The following MCUR1 variants were observed in gnomAD, a reference collection of about 807,000 sequenced individuals.
MCUR1 encodes the protein mitochondrial calcium uniporter regulator 1, also known as MCU regulator 1.
Under a neutral mutation model 42.0 loss-of-function variants are expected in MCUR1, and 37 were observed. That is an observed-to-expected ratio of 0.88 (90% CI 0.68 to 1.16). The LOEUF is 1.16. Among genes scored for constraint, MCUR1 ranks in the 50% most tolerant of loss-of-function variants. The pLI is 0.00. For missense variants in MCUR1, 469 were observed against 468.4 expected, an observed-to-expected ratio of 1.00 and a Z score of -0.01; for synonymous variants, 229 against 196.2, an observed-to-expected ratio of 1.17 and a Z score of -1.40.
chr6:13,794,721 G>T (rs1184825246), intron 6 of MCUR1, among the ~76,000 whole-genome samples: 2 of 151,416 alleles, frequency 1.3e-5, no homozygotes, highest in African/African-American at 4.9e-5. Context: ...CTTGATCTGG[G>T]GTCCCTGCAA....
At chr6:13,806,158 G>A (rs1237671585) in intron 2 of MCUR1, among the ~76,000 whole-genome samples, 1 of 152,086 alleles carries the variant, frequency 6.6e-6, no homozygotes, top group Admixed American at 6.5e-5. Flanking sequence ...GGAGGCTGAG[G>A]CAGGAGAATC....
chr6:13,798,950 A>C (rs1250147569), intron 5 of MCUR1, 46 bp from the exon 6 acceptor site: 2 of 1,176,948 alleles, frequency 1.7e-6, no homozygotes, highest in Non-Finnish European at 2.5e-6. Flanking sequence ...CAAAGTAAGA[A>C]ACCCAAACTC....
Position 13,814,418 on chromosome 6 carries a change from G to T in MCUR1, c.12C>A (p.Gly4=). 1 of 1,541,280 alleles carries T rather than the reference G, an allele frequency of 6.5e-7. No homozygotes were observed. The highest frequency in any genetic ancestry group is 2.3e-4 in the Middle Eastern group (1 of 4,348). Residue 4 remains glycine, a synonymous_variant, in exon 1 of 9, where the codon GGC becomes GGA. Coordinates refer to ENST00000379170, the MANE Select transcript of MCUR1 (RefSeq NM_001031713.4). MDC[G]SVGGQRTQRL... ...GCTGGGTCCTCTGGCCGCCGACCGA[G>T]CCGCAGTCCATCCCCGAGCAGTTCA...
At position 13,814,448 on chromosome 6, in the gene MCUR1, C is replaced by G; in HGVS notation, c.-19G>C. 1 of 1,490,778 alleles carries G rather than the reference C, an allele frequency of 6.7e-7. No homozygotes were observed. The highest frequency in any genetic ancestry group is 1.5e-5 in the African/African-American group (1 of 68,890). The allele number at this position is 1,490,778 out of a possible 1,614,324, so 92.3% of individuals were successfully genotyped here. On this transcript the variant is annotated 5_prime_UTR_variant, in exon 1 of 9. Coordinates refer to ENST00000379170, the MANE Select transcript of MCUR1 (RefSeq NM_001031713.4). ...AGTCCATCCCCGAGCAGTTCACTGG[C>G]CCGGGCGCGCGCTCATGCCTCTCGC...
At chr6:13,801,116 G>C (rs930382259) in intron 4 of MCUR1, among the ~76,000 whole-genome samples, 172 bp downstream of exon 4, 1 of 152,230 alleles carries the variant, frequency 6.6e-6, no homozygotes, top group Non-Finnish European at 1.5e-5. Context: ...TGAGAGGCAT[G>C]AGAGAGACTT....
At chr6:13,794,264 T>C (rs532478012) in intron 6 of MCUR1, among the ~76,000 whole-genome samples, 24 of 152,148 alleles carry the variant, frequency 1.6e-4, no homozygotes, top group Non-Finnish European at 2.8e-4. Flanking sequence ...AGTTTCTTAT[T>C]TATACTTACT....
chr6:13,792,618 C>T (rs1296777422), intron 7 of MCUR1, among the ~76,000 whole-genome samples: 1 of 152,158 alleles, frequency 6.6e-6, no homozygotes, highest in African/African-American at 2.4e-5. Context: ...GACACATAAT[C>T]AACCCTCAAA....
At chr6:13,807,086 A>G in intron 1 of MCUR1, 42 bp from the exon 2 acceptor site, 5 of 1,550,868 alleles carry the variant, frequency 3.2e-6, no homozygotes, top group Non-Finnish European at 3.5e-6. Context: ...GACTTCATGC[A>G]AAACAAAAGC....
chr6:13,797,130 T>C (rs1759873507), intron 6 of MCUR1, among the ~76,000 whole-genome samples: 3 of 152,256 alleles, frequency 2.0e-5, no homozygotes, highest in Admixed American at 2.0e-4. Context: ...AGTAGGTTAC[T>C]TTTTTGAGTT....
intron 1 of MCUR1, among the ~76,000 whole-genome samples, chr6:13,809,433 G>T (rs1363608164): frequency 6.6e-6 from 1 of 152,046 alleles, no homozygotes; most frequent in Non-Finnish European, 1.5e-5. Context: ...TCTTTAGAGA[G>T]CTATGTTCTA....
intron 2 of MCUR1, chr6:13,804,204 TCC>T (rs1413886592): frequency 4.9e-6 from 1 of 204,472 alleles, no homozygotes; most frequent in Non-Finnish European, 1.0e-5. Flanking sequence ...ATGCCTGTAA[TCC>T]CAGCTACTCA....
At position 13,803,898 on chromosome 6, in the gene MCUR1, C is replaced by G. The variant is rs561357378; in HGVS notation, c.536-1552G>C. The G allele has an allele frequency of 4.0e-5, 39 of 979,686 alleles. No homozygotes were observed. In the South Asian group the frequency reaches 1.6e-3, roughly 40 times the overall value. The allele number at this position is 979,686 out of a possible 1,614,324, so 60.7% of individuals were successfully genotyped here. ...CTGTAATCCTAACACTCTGGGAGACCAAGGCGGGAGGATCTTTGAGCCCAG... is the reference window on the plus strand; with the variant it reads ...CTGTAATCCTAACACTCTGGGAGACGAAGGCGGGAGGATCTTTGAGCCCAG... On this transcript the variant is annotated intron_variant, in intron 2 of 8. Transcript: ENST00000379170.
chr6:13,809,175 T>C (rs1455726481), intron 1 of MCUR1, among the ~76,000 whole-genome samples: 1 of 152,242 alleles, frequency 6.6e-6, no homozygotes, highest in East Asian at 1.9e-4. Flanking sequence ...AGGGATGTGT[T>C]ACATTTGTAG....
chr6:13,808,647 T>C (rs1036535427), intron 1 of MCUR1, among the ~76,000 whole-genome samples: 1 of 152,212 alleles, frequency 6.6e-6, no homozygotes, highest in African/African-American at 2.4e-5. Context: ...TAGTTTTAGC[T>C]CTTACATTGA....
intron 1 of MCUR1, 50 bp from the exon 2 acceptor site, chr6:13,807,094 A>G (rs771364018): frequency 1.3e-6 from 2 of 1,546,868 alleles, no homozygotes; most frequent in Admixed American, 2.0e-5. Flanking sequence ...GCAAAACAAA[A>G]GCAACTCAGC....
chr6:13,804,497 G>A (rs1389485312), intron 2 of MCUR1, among the ~76,000 whole-genome samples: 4 of 151,752 alleles, frequency 2.6e-5, no homozygotes, highest in South Asian at 2.1e-4. Context: ...AGTCTTGGCC[G>A]GGCGCGGTGG....
chr6:13,799,591 A>G (rs1759943450), intron 5 of MCUR1, among the ~76,000 whole-genome samples: 1 of 152,210 alleles, frequency 6.6e-6, no homozygotes, highest in Non-Finnish European at 1.5e-5. Context: ...AAAGCAGCAA[A>G]ATATTAAAAT....
rs369841258 is a variant in MCUR1 at position 13,809,467 on chromosome 6, A to G, written c.416-2423T>C. Among the ~76,000 whole-genome samples the G allele has an allele frequency of 7.9e-5, 12 of 152,256 alleles. No individual in the cohort carries two copies. The South Asian group carries it at 1.0e-3, about 13-fold the overall frequency. The stretch of plus-strand genomic sequence containing the variant: ...TAACAATTTTTACATTACCTTTTCT[A>G]TAAGTTTTTGTGCATTTAGCCACAG... On this transcript the variant is annotated intron_variant, in intron 1 of 8. Coordinates refer to ENST00000379170, the MANE Select transcript of MCUR1 (RefSeq NM_001031713.4).
chr6:13,795,611 G>T (rs1759837941), intron 6 of MCUR1, among the ~76,000 whole-genome samples: 1 of 152,284 alleles, frequency 6.6e-6, no homozygotes, highest in Admixed American at 6.5e-5. Flanking sequence ...AGTAATCCAA[G>T]TTTATGATTA....
Sources: allele counts gnomAD v4.1 joint callset (sites outside exome capture counted in the v4.1 genomes callset), GRCh38; gene constraint gnomAD v4.1.1; transcripts MANE v1.5; gene names NCBI Gene and HGNC (gene_info 2026-07-23, HGNC 2026-07-21).